The following SOX6 variants were observed in gnomAD, a reference collection of about 807,000 sequenced individuals.
SOX6 encodes SRY-box transcription factor 6.
A neutral mutation model predicts 97.8 loss-of-function variants in SOX6; 11 were observed. The observed-to-expected ratio is 0.11, with a 90% CI of 0.07 to 0.19. The LOEUF (loss-of-function observed/expected upper bound fraction) is 0.19. Ranked by LOEUF, SOX6 falls within the 10% of genes least tolerant of loss-of-function variation. The pLI is 1.00. For missense variants in SOX6, 810 were observed against 1,039.5 expected, an observed-to-expected ratio of 0.78 and a Z score of 3.04; for synonymous variants, 360 against 371.4, an observed-to-expected ratio of 0.97 and a Z score of 0.35.
At chr11:16,066,940 T>G (rs754974257) in intron 9 of SOX6, among the ~76,000 whole-genome samples, 3 of 152,064 alleles carry the variant, frequency 2.0e-5, no homozygotes, top group African/African-American at 4.8e-5. Context: ...TTTTGAAGCT[T>G]TAAGATTTGA....
At chr11:16,005,950 C>T (rs1854540047) in intron 13 of SOX6, among the ~76,000 whole-genome samples, 1 of 151,616 alleles carries the variant, frequency 6.6e-6, no homozygotes, top group Non-Finnish European at 1.5e-5. Flanking sequence ...TGTAAATATC[C>T]ATTGAACAAA....
chr11:16,581,556 A>G (rs1237236062), intron 4 of SOX6, among the ~76,000 whole-genome samples: 1 of 152,156 alleles, frequency 6.6e-6, no homozygotes, highest in African/African-American at 2.4e-5. Context: ...GCATACGTAT[A>G]CCTGTGTAAC....
chr11:16,121,656 CTCTA>C (rs1163071138), intron 6 of SOX6, among the ~76,000 whole-genome samples: 1 of 151,952 alleles, frequency 6.6e-6, no homozygotes, highest in Admixed American at 6.6e-5. Context: ...TCTTTCTCTA[CTCTA>C]TCTATGGTCT....
At chr11:16,237,282 T>C (rs1008529333) in intron 3 of SOX6, among the ~76,000 whole-genome samples, 1 of 152,024 alleles carries the variant, frequency 6.6e-6, no homozygotes, top group African/African-American at 2.4e-5. Context: ...TGATATTTTT[T>C]CTCAGAAGTG....
At chr11:16,157,255 A>G (rs752642542) in intron 6 of SOX6, among the ~76,000 whole-genome samples, 8 of 152,054 alleles carry the variant, frequency 5.3e-5, no homozygotes, top group Middle Eastern at 3.4e-3. Context: ...GATTACTTCA[A>G]TAGTACCTCA....
intron 4 of SOX6, among the ~76,000 whole-genome samples, chr11:16,219,950 CA>C (rs1029015995): frequency 8.6e-5 from 13 of 151,980 alleles, no homozygotes; most frequent in Non-Finnish European, 1.6e-4. Flanking sequence ...TTTCAAAAAC[CA>C]GCTATGTATA....
At chr11:16,155,475 T>C (rs985303608) in intron 6 of SOX6, among the ~76,000 whole-genome samples, 6 of 152,188 alleles carry the variant, frequency 3.9e-5, no homozygotes, top group African/African-American at 1.4e-4. Flanking sequence ...AAGTGTTTTC[T>C]GTTAATTAGA....
At chr11:16,055,424 T>C (rs769344833) in intron 10 of SOX6, among the ~76,000 whole-genome samples, 3 of 152,062 alleles carry the variant, frequency 2.0e-5, no homozygotes, top group Non-Finnish European at 4.4e-5. Flanking sequence ...TGAAGAGAAA[T>C]GCCACAAGTC....
intron 1 of SOX6, chr11:16,402,591 G>T: frequency 2.1e-6 from 3 of 1,452,328 alleles, no homozygotes; most frequent in Non-Finnish European, 1.9e-6. Flanking sequence ...AAGAAATATC[G>T]CTTTGTTTAA....
intron 3 of SOX6, among the ~76,000 whole-genome samples, chr11:16,692,734 A>G (rs952530783): frequency 3.9e-5 from 6 of 152,244 alleles, no homozygotes; most frequent in Admixed American, 1.3e-4. Flanking sequence ...GTGTACACAC[A>G]CACACATTGT....
intron 7 of SOX6, among the ~76,000 whole-genome samples, chr11:16,101,642 A>T (rs1848949022): frequency 6.6e-6 from 1 of 151,702 alleles, no homozygotes; most frequent in African/African-American, 2.4e-5. Flanking sequence ...GTGTGAATGA[A>T]CTCACATAAA....
chr11:16,029,981 G>C (rs1234576394), intron 12 of SOX6, among the ~76,000 whole-genome samples: 2 of 152,118 alleles, frequency 1.3e-5, no homozygotes, highest in African/African-American at 4.8e-5. Flanking sequence ...TTGAATTTGC[G>C]TTATGATCAA....
chr11:16,733,604 C>G (rs2134061459), intron 2 of SOX6, among the ~76,000 whole-genome samples: 1 of 150,924 alleles, frequency 6.6e-6, no homozygotes, highest in South Asian at 2.1e-4. Context: ...GGAGGGATAG[C>G]ATTATGAGAA....
rs965834636 is a variant in SOX6 at position 16,605,510 on chromosome 11, G to A, written n.609+6571C>T. Among the ~76,000 whole-genome samples, 1 of 152,166 alleles carries A rather than the reference G, an allele frequency of 6.6e-6. No homozygotes were observed. Among genetic ancestry groups the A allele is most frequent in the Non-Finnish European group, 1.5e-5 (1 of 68,018 alleles). On this transcript the variant is annotated intron_variant and non_coding_transcript_variant, in intron 4 of 5. Coordinates refer to the SOX6 transcript ENST00000524520. The surrounding 1 kb of genome is among the most constrained non-coding windows in gnomAD (Gnocchi z 5.3). ...GGAAGGGCGACAAGCGGAGGGAGCTGGAGGCAACTCGAGCGGTGTCCCGAA... is the reference window on the plus strand; with the variant it reads ...GGAAGGGCGACAAGCGGAGGGAGCTAGAGGCAACTCGAGCGGTGTCCCGAA...
chr11:16,319,762 T>A (rs923518806), intron 2 of SOX6, among the ~76,000 whole-genome samples: 6 of 152,230 alleles, frequency 3.9e-5, no homozygotes, highest in African/African-American at 1.4e-4. Context: ...TTTGGGTTGG[T>A]TCCAAGTCTT....
At chr11:16,669,903 A>G (rs1372413207) in intron 3 of SOX6, among the ~76,000 whole-genome samples, 2 of 152,146 alleles carry the variant, frequency 1.3e-5, no homozygotes, top group Non-Finnish European at 2.9e-5. Context: ...GTCAACCTGC[A>G]ACTGCTCTGC....
At chr11:16,510,705 C>T (rs556901527) in intron 4 of SOX6, among the ~76,000 whole-genome samples, 2 of 152,084 alleles carry the variant, frequency 1.3e-5, no homozygotes, top group South Asian at 2.1e-4. Flanking sequence ...CAATAAGATA[C>T]GCTGAAAGGT....
At chr11:16,542,756 A>C (rs943149002) in intron 4 of SOX6, among the ~76,000 whole-genome samples, 5 of 152,148 alleles carry the variant, frequency 3.3e-5, no homozygotes, top group African/African-American at 1.2e-4. Context: ...TTCAATCCTA[A>C]TATAACATGA....
rs143619997 is a variant in SOX6 at position 16,135,775 on chromosome 11, A to T, written c.778-23852T>A. 3.3e-5 allele frequency among the ~76,000 whole-genome samples: 5 copies of T among 152,370 alleles called. No homozygotes were observed. The East Asian group carries it at 9.6e-4, about 29-fold the overall frequency. On this transcript the variant is annotated intron_variant, in intron 6 of 15. Coordinates refer to ENST00000683767, the MANE Select transcript of SOX6 (RefSeq NM_001367873.1). ...TTAGAATATTACATAAACTTAGTTG[A>T]TAAAGCATGTAAGGCTTTGAGAGGA...
Sources: gnomAD v4.1 joint callset for allele counts (sites outside exome capture counted in the v4.1 genomes callset) on GRCh38, gnomAD v4.1.1 for gene constraint, Gnocchi (gnomAD v3.1) non-coding constraint, MANE v1.5 for transcripts, NCBI Gene and HGNC (gene_info 2026-07-23, HGNC 2026-07-21) for gene names.